GSN: variants seen among roughly 807,000 people sequenced by gnomAD.
GSN encodes the protein gelsolin.
GSN carries 56 observed loss-of-function variants against 85.7 expected under a neutral mutation model. The observed-to-expected ratio is 0.65, with a 90% CI of 0.53 to 0.82. The LOEUF (loss-of-function observed/expected upper bound fraction) is 0.82. GSN is among the 40% of genes least tolerant of loss of function. The pLI is 0.00. For missense variants in GSN, 857 were observed against 979.8 expected (o/e 0.87, Z 1.67); for synonymous variants, 373 against 399.1 (o/e 0.93, Z 0.78).
intron 16 of GSN, among the ~76,000 whole-genome samples, chr9:121,330,199 G>A (rs541047026): frequency 7.7e-4 from 117 of 152,324 alleles, no homozygotes; most frequent in African/African-American, 2.7e-3. Context: ...AAAATGCTGA[G>A]TGCTGAGAAT....
chr9:121,326,641 C>T lies in GSN; in HGVS notation c.1546C>T (p.Gln516Ter), dbSNP rs1268976636. The T allele has an allele frequency of 6.2e-7, 1 of 1,608,128 alleles. No individual in the cohort carries two copies. Among genetic ancestry groups the T allele is most frequent in the Non-Finnish European group, 8.5e-7 (1 of 1,177,050 alleles). Residue 516 changes from glutamine (Q) to a stop codon, truncating the protein, a stop_gained, in exon 13 of 18, where the codon CAG becomes TAG. Transcript: ENST00000432226. LOFTEE classifies it high-confidence loss of function. ...QTAPASTRLF[Q>*]VRANSAGATR... ...AGCCCCTGCCAGCACCCGCCTCTTC[C>T]AGGTCCGCGCCAACAGCGCTGGAGC...
chr9:121,299,702 C>T lies in GSN; in HGVS notation c.-9-2261C>T. 3.3e-6 allele frequency: 3 copies of T among 912,648 alleles called. No individual in the cohort carries two copies. The highest frequency in any genetic ancestry group is 4.2e-6 in the Non-Finnish European group (3 of 720,606). The allele number at this position is 912,648 out of a possible 1,614,324, so 56.5% of individuals were successfully genotyped here. ...GCTGCCGCGCCCTGTCGGGTCGATC[C>T]GGGTGGGAACCCAGATGTCTCCAAG... On this transcript the variant is annotated intron_variant, in intron 2 of 17. Coordinates refer to ENST00000432226, the MANE Select transcript of GSN (RefSeq NM_198252.3). The surrounding 1 kb of genome is among the most constrained non-coding windows in gnomAD (Gnocchi z 4.2).
At chr9:121,319,361 C>T (rs1262246082) in intron 10 of GSN, among the ~76,000 whole-genome samples, 3 of 152,158 alleles carry the variant, frequency 2.0e-5, no homozygotes, top group African/African-American at 7.2e-5. Flanking sequence ...CTGATGGCAT[C>T]CCCAGGGAGG....
chr9:121,256,236 T>C (rs1042657197), intron 6 of GSN, among the ~76,000 whole-genome samples: 8 of 152,168 alleles, frequency 5.3e-5, no homozygotes, highest in Admixed American at 2.0e-4. Context: ...TTTTCTTTTT[T>C]TGAGAAGAAA....
intron 4 of GSN, among the ~76,000 whole-genome samples, chr9:121,216,162 G>A (rs1421171077): frequency 6.6e-6 from 1 of 152,066 alleles, no homozygotes; most frequent in African/African-American, 2.4e-5. Flanking sequence ...TGGCCAGACT[G>A]GTCTCAAACT....
upstream of GSN, among the ~76,000 whole-genome samples, chr9:121,203,664 A>G (rs546340376): frequency 6.6e-6 from 1 of 152,352 alleles, no homozygotes; most frequent in East Asian, 1.9e-4. Flanking sequence ...TCATATTTTC[A>G]GAGACCTGGG....
In GSN at chr9:121,276,557, A is replaced by G. The variant is rs549234874; in HGVS notation, c.-102-4913A>G. 9.2e-5 allele frequency among the ~76,000 whole-genome samples: 14 copies of G among 152,296 alleles called. No homozygotes were observed. In the East Asian group the frequency reaches 1.2e-3, roughly 13 times the overall value. The stretch of plus-strand genomic sequence containing the variant: ...AGCGCACCCCCCCGACTGCCTCCTC[A>G]TCTCAAAACTTTCCAAACCATGACT... On this transcript the variant is annotated intron_variant, in intron 1 of 17. Coordinates refer to ENST00000432226, the MANE Select transcript of GSN (RefSeq NM_198252.3).
At chr9:121,300,071 C>T in intron 2 of GSN, 13 of 1,609,860 alleles carry the variant, frequency 8.1e-6, no homozygotes, top group East Asian at 2.2e-5. Flanking sequence ...GCAGATACAG[C>T]GCTAGGAAAA....
At chr9:121,244,596 C>T (rs2054663716) in intron 5 of GSN, among the ~76,000 whole-genome samples, 1 of 152,152 alleles carries the variant, frequency 6.6e-6, no homozygotes, top group African/African-American at 2.4e-5. Context: ...CACAAATATG[C>T]AGTAGCAAAA....
chr9:121,226,607 G>T (rs1208365491), intron 4 of GSN, among the ~76,000 whole-genome samples: 1 of 152,180 alleles, frequency 6.6e-6, no homozygotes, highest in East Asian at 1.9e-4. Flanking sequence ...CGAGTCCCTG[G>T]CACAGAGCTC....
chr9:121,238,346 G>A (rs980877788), intron 5 of GSN, among the ~76,000 whole-genome samples: 2 of 152,174 alleles, frequency 1.3e-5, no homozygotes, highest in Non-Finnish European at 2.9e-5. Flanking sequence ...AGCAGGCAGA[G>A]GAATGTAGAA....
chr9:121,316,994 T>G, intron 7 of GSN, 92 bp from the exon 8 acceptor site: 1 of 1,551,212 alleles, frequency 6.4e-7, no homozygotes, highest in East Asian at 2.2e-5. Flanking sequence ...ACAGGGCCAT[T>G]TGGGACAGGG....
intron 4 of GSN, among the ~76,000 whole-genome samples, chr9:121,212,605 A>AT (rs2053987976): frequency 6.7e-6 from 1 of 150,238 alleles, no homozygotes; most frequent in Non-Finnish European, 1.5e-5. Context: ...ATTTTAAAGC[A>AT]TTTTTTATGT....
intron 4 of GSN, among the ~76,000 whole-genome samples, chr9:121,217,000 G>C (rs148555408): frequency 5.3e-5 from 8 of 151,898 alleles, no homozygotes; most frequent in African/African-American, 1.9e-4. Context: ...TTTAGTTCTG[G>C]GTTTTGTCTT....
chr9:121,324,650 C>G lies in GSN; in HGVS notation c.1416+6C>G. On this transcript the variant is annotated splice_donor_region_variant and intron_variant, in intron 12 of 17. Coordinates refer to ENST00000432226, the MANE Select transcript of GSN (RefSeq NM_198252.3). ...TGGGAGGTACCCCTGTCCAGGTGAG[C>G]CCAGCCCACCGCCTCTCTGGGCTGC... The G allele has an allele frequency of 1.4e-6, 2 of 1,432,740 alleles. No homozygotes were observed. Among genetic ancestry groups the G allele is most frequent in the East Asian group, 4.9e-5 (2 of 40,426 alleles). 88.8% of individuals were successfully genotyped at this position (1,432,740 alleles called of 1,614,324 possible). A position where few individuals can be genotyped will look rare whatever the true frequency, so the allele number is the denominator to read the frequency against.
At chr9:121,328,419 TGAACTTTTAGTCGAA>T (rs1206824090) in intron 14 of GSN, among the ~76,000 whole-genome samples, 6 of 152,240 alleles carry the variant, frequency 3.9e-5, no homozygotes, top group African/African-American at 1.4e-4. Flanking sequence ...AATGAAGAAC[TGAACTTTTAGTCGAA>T]TTTAATTTTA....
chr9:121,276,240 A>T (rs569825754), intron 1 of GSN, among the ~76,000 whole-genome samples: 1 of 152,382 alleles, frequency 6.6e-6, no homozygotes, highest in East Asian at 1.9e-4. Context: ...TTCATGTGTT[A>T]GGTTTTCTTA....
At chr9:121,218,834 C>G (rs887141648) in intron 4 of GSN, among the ~76,000 whole-genome samples, 1 of 152,138 alleles carries the variant, frequency 6.6e-6, no homozygotes, top group Non-Finnish European at 1.5e-5. Context: ...GCATGAGGAC[C>G]CTTCCTTCAT....
Position 121,327,443 on chromosome 9 carries a change from C to T in GSN, c.1723C>T (p.Arg575Trp), listed in dbSNP as rs1404195872. The T allele has an allele frequency of 7.5e-6, 12 of 1,599,034 alleles. No homozygotes were observed. The highest frequency in any genetic ancestry group is 6.7e-5 in the East Asian group (3 of 44,574). Residue 575 changes from arginine to tryptophan, a missense_variant, in exon 14 of 18, where the codon CGG becomes TGG. Arg to Trp is a moderately radical substitution (Grantham distance 101). Coordinates refer to ENST00000432226, the MANE Select transcript of GSN (RefSeq NM_198252.3). The stretch of plus-strand genomic sequence containing the variant: ...GGCCCAGGAGCTGCTCAGGGTGCTG[C>T]GGGCCCAACCTGTGCAGGTGGCAGA... ...TGAQELLRVL[R>W]AQPVQVAEGS... is the part of the protein sequence containing the mutation.
Sources: gnomAD v4.1 joint callset for allele counts (sites outside exome capture counted in the v4.1 genomes callset) on GRCh38, gnomAD v4.1.1 for gene constraint, Gnocchi (gnomAD v3.1) non-coding constraint, MANE v1.5 for transcripts, NCBI Gene and HGNC (gene_info 2026-07-23, HGNC 2026-07-21) for gene names.